Variants in VGLL2 observed in about 807,000 individuals in gnomAD.
VGLL2 encodes vestigial like family member 2.
VGLL2 carries 18 observed loss-of-function variants against 27.0 expected under a neutral mutation model. The ratio of observed to expected loss-of-function variants is 0.67; its 90% CI spans 0.46 to 0.99. The LOEUF (loss-of-function observed/expected upper bound fraction) is 0.99. VGLL2 is among the 50% of genes least tolerant of loss of function. The pLI, the probability that VGLL2 is intolerant of heterozygous loss-of-function variation, is 0.00. For missense variants in VGLL2, 491 were observed against 452.3 expected (o/e 1.09, Z -0.78); for synonymous variants, 220 against 201.1 (o/e 1.09, Z -0.80).
chr6:117,267,690 G>A (rs899707591), intron 1 of VGLL2, among the ~76,000 whole-genome samples: 3 of 152,194 alleles, frequency 2.0e-5, no homozygotes, highest in Admixed American at 1.3e-4. Context: ...TTTTGTAGGG[G>A]TAGGGGGTTG....
intron 1 of VGLL2, among the ~76,000 whole-genome samples, chr6:117,267,757 T>C (rs1470050066): frequency 6.6e-6 from 1 of 152,244 alleles, no homozygotes; most frequent in Non-Finnish European, 1.5e-5. Flanking sequence ...GCTTCTGCCC[T>C]GGATTCTCAG....
rs1773226513 is a variant in VGLL2 at position 117,272,698 on chromosome 6, A to G, written c.*204A>G. 7.4e-6 allele frequency: 5 copies of G among 675,050 alleles called. No individual in the cohort carries two copies. The highest frequency in any genetic ancestry group is 1.2e-5 in the Non-Finnish European group (5 of 418,018). The allele number at this position is 675,050 out of a possible 1,614,324, so 41.8% of individuals were successfully genotyped here. On this transcript the variant is annotated 3_prime_UTR_variant, in exon 4 of 4. Transcript: ENST00000326274. ...GCTGAAAGAGCAAATCCAAAGACTGAGTTATGTTTAATGACTTTTGGCCGA... is the reference window on the plus strand; with the variant it reads ...GCTGAAAGAGCAAATCCAAAGACTGGGTTATGTTTAATGACTTTTGGCCGA...
intron 1 of VGLL2, among the ~76,000 whole-genome samples, chr6:117,266,139 G>A (rs886596317): frequency 3.9e-5 from 6 of 152,230 alleles, no homozygotes; most frequent in African/African-American, 1.4e-4. Flanking sequence ...CTTAGGGTCT[G>A]TCGGACTCCA....
rs1364154660 is a variant in VGLL2 at position 117,265,772 on chromosome 6, T to C, written c.9T>C (p.Cys3=). ...CTCCGCTGCGGAGAGTCATGAGCTG[T>C]CTGGATGTTATGTACCAAGTCTATG... is the stretch of plus-strand genomic sequence containing the variant. The part of the protein sequence containing the change: MS[C]LDVMYQVYGP... Residue 3 remains cysteine, a synonymous_variant, in exon 1 of 4, where the codon TGT becomes TGC. Transcript: ENST00000326274. The C allele has an allele frequency of 1.9e-6, 3 of 1,613,962 alleles. No homozygotes were observed. Among genetic ancestry groups the C allele is most frequent in the Non-Finnish European group, 2.5e-6 (3 of 1,179,938 alleles).
At chr6:117,267,012 TG>T (rs1773081321) in intron 1 of VGLL2, among the ~76,000 whole-genome samples, 1 of 152,194 alleles carries the variant, frequency 6.6e-6, no homozygotes, top group Admixed American at 6.5e-5. Flanking sequence ...ATTTAGGAAG[TG>T]GTGATATTGC....
chr6:117,271,105 GC>G, intron 3 of VGLL2, 41 bp downstream of exon 3: 1 of 1,205,024 alleles, frequency 8.3e-7, no homozygotes, highest in Non-Finnish European at 1.0e-6. Flanking sequence ...GAGCCGCTCG[GC>G]CCCGTACCCG....
intron 1 of VGLL2, 143 bp downstream of exon 1, chr6:117,265,987 G>A: frequency 2.0e-5 from 15 of 736,600 alleles, no homozygotes; most frequent in South Asian, 1.6e-4. Context: ...GGGGATTGCC[G>A]GAGCCGCCCC....
chr6:117,268,070 A>T, intron 1 of VGLL2, 112 bp from the exon 2 acceptor site: 1 of 1,137,064 alleles, frequency 8.8e-7, no homozygotes, highest in South Asian at 1.5e-5. Context: ...GCTTAAGCCC[A>T]TATGCCAGTT....
chr6:117,269,448 T>G (rs559470177), intron 2 of VGLL2, among the ~76,000 whole-genome samples: 2 of 152,310 alleles, frequency 1.3e-5, no homozygotes, highest in South Asian at 4.1e-4. Context: ...TTTTCCCCCT[T>G]AAGAGACGCT....
intron 1 of VGLL2, among the ~76,000 whole-genome samples, chr6:117,266,687 T>C (rs768609866): frequency 6.6e-6 from 1 of 152,152 alleles, no homozygotes; most frequent in Non-Finnish European, 1.5e-5. Context: ...CTGAGGACAG[T>C]AGTGCAGGAA....
intron 3 of VGLL2, among the ~76,000 whole-genome samples, chr6:117,271,327 A>AATAATACTAATG (rs1773196090): frequency 1.4e-5 from 2 of 139,626 alleles, no homozygotes; most frequent in Admixed American, 7.1e-5. Flanking sequence ...TAATAATGAT[A>AATAATACTAATG]ATAATAATAA....
At position 117,272,254 on chromosome 6, in the gene VGLL2, C is replaced by T. The variant is rs975980318; in HGVS notation, c.914-200C>T. On this transcript the variant is annotated intron_variant, in intron 3 of 3. Transcript: ENST00000326274. ...CTTCTTCTTCTCTCTCTCCCTCTCC[C>T]TCTCTTTCCCTCCCTCTCCACCTCC... The T allele has an allele frequency of 5.2e-6, 5 of 958,166 alleles. No individual in the cohort carries two copies. In the African/African-American group the frequency reaches 8.8e-5, roughly 17 times the overall value. 59.4% of individuals were successfully genotyped at this position (958,166 alleles called of 1,614,324 possible).
At chr6:117,267,036 C>A (rs552029761) in intron 1 of VGLL2, among the ~76,000 whole-genome samples, 2 of 152,138 alleles carry the variant, frequency 1.3e-5, no homozygotes, top group African/African-American at 2.4e-5. Context: ...AATCTTACAT[C>A]GTTTTGTCCC....
intron 2 of VGLL2, among the ~76,000 whole-genome samples, chr6:117,268,796 C>G (rs1217459659): frequency 6.6e-6 from 1 of 152,194 alleles, no homozygotes; most frequent in East Asian, 1.9e-4. Flanking sequence ...TTACTGCTCT[C>G]TTAAAGTAGA....
At position 117,270,962 on chromosome 6, in the gene VGLL2, G is replaced by C. The variant is rs1266360559; in HGVS notation, c.811G>C (p.Gly271Arg). The change falls in exon 3 of 4, where the codon GGC becomes CGC. Residue 271 changes from glycine (G) to arginine (R), a missense_variant. Physicochemically the swap from Gly to Arg is moderately radical, Grantham distance 125 (BLOSUM62 -2). Transcript: ENST00000326274. ...CGGCAGTCCTCCCTGCGAGCTCTCCGGCAAAGGCGAGCCGGCGGGCGCCGC... is the reference window on the plus strand; with the variant it reads ...CGGCAGTCCTCCCTGCGAGCTCTCCCGCAAAGGCGAGCCGGCGGGCGCCGC... ...APGSPPCELSGKGEPAGAAWA... is the reference protein window; with the variant it reads ...APGSPPCELSRKGEPAGAAWA... 5 of 1,232,396 alleles carry C rather than the reference G, an allele frequency of 4.1e-6. No homozygotes were observed. The highest frequency in any genetic ancestry group is 5.0e-6 in the Non-Finnish European group (5 of 991,558). 76.3% of individuals were successfully genotyped at this position (1,232,396 alleles called of 1,614,324 possible).
At chr6:117,267,797 TG>T (rs1348503176) in intron 1 of VGLL2, among the ~76,000 whole-genome samples, 1 of 152,214 alleles carries the variant, frequency 6.6e-6, no homozygotes, top group African/African-American at 2.4e-5. Flanking sequence ...TATCTGGACT[TG>T]GGTGCCCTTT....
In VGLL2 at chr6:117,270,931, C is replaced by T; in HGVS notation, c.780C>T (p.Pro260=). ...CCCGCCTCGCAACCGCCCCGGCGCC[C>T]GCGCCCGGCAGTCCTCCCTGCGAGC... The part of the protein sequence containing the change: ...RPARLATAPA[P]APGSPPCELS... Residue 260 remains proline, a synonymous_variant, in exon 3 of 4, where the codon CCC becomes CCT. Transcript: ENST00000326274. 3 of 1,242,074 alleles carry T rather than the reference C, an allele frequency of 2.4e-6. No individual in the cohort carries two copies. Among genetic ancestry groups the T allele is most frequent in the Non-Finnish European group, 3.0e-6 (3 of 998,582 alleles). 76.9% of individuals were successfully genotyped at this position (1,242,074 alleles called of 1,614,324 possible).
At chr6:117,266,480 T>G (rs779626632) in intron 1 of VGLL2, among the ~76,000 whole-genome samples, 2 of 152,210 alleles carry the variant, frequency 1.3e-5, no homozygotes, top group Non-Finnish European at 2.9e-5. Flanking sequence ...GCGAGCCTGA[T>G]AGACAATACT....
chr6:117,265,580 G>A lies in VGLL2; in HGVS notation c.-184G>A. The A allele has an allele frequency of 1.7e-6, 1 of 603,922 alleles. No individual in the cohort carries two copies. Among genetic ancestry groups the A allele is most frequent in the South Asian group, 2.0e-5 (1 of 51,088 alleles). The allele number at this position is 603,922 out of a possible 1,614,324, so 37.4% of individuals were successfully genotyped here. ...GGCGCTTCTGCCCTGGAGCGCGGTC[G>A]GGAGTAAAATCGCAGGAGTGGGAGG... On this transcript the variant is annotated 5_prime_UTR_variant, in exon 1 of 4. Coordinates refer to ENST00000326274, the MANE Select transcript of VGLL2 (RefSeq NM_182645.3).
Sources: gnomAD v4.1 joint callset for allele counts (sites outside exome capture counted in the v4.1 genomes callset) on GRCh38, gnomAD v4.1.1 for gene constraint, MANE v1.5 for transcripts, NCBI Gene and HGNC (gene_info 2026-07-23, HGNC 2026-07-21) for gene names.